Variants in SNTG2 observed in about 807,000 individuals in gnomAD.
The protein encoded by SNTG2 is syntrophin gamma 2.
Under a neutral mutation model 70.9 loss-of-function variants are expected in SNTG2, and 74 were observed. The observed-to-expected ratio is 1.04, with a 90% CI of 0.86 to 1.27. The LOEUF (loss-of-function observed/expected upper bound fraction) is 1.27. Ranked by LOEUF, SNTG2 falls within the 50% of genes most tolerant of loss-of-function variation. The probability of loss-of-function intolerance (pLI) is 0.00; values close to 1 mark genes in which losing one functional copy is unlikely to be tolerated. For synonymous variants in SNTG2, 278 were observed against 273.8 expected (o/e 1.02, Z -0.15); for missense variants, 717 against 690.7 (o/e 1.04, Z -0.43).
chr2:1,306,255 T>G (rs932298065), intron 14 of SNTG2, among the ~76,000 whole-genome samples: 1 of 152,062 alleles, frequency 6.6e-6, no homozygotes, highest in Admixed American at 6.5e-5. Flanking sequence ...GCTGTGTGTG[T>G]GGCGTTGGCT....
intron 11 of SNTG2, among the ~76,000 whole-genome samples, chr2:1,243,894 CA>C (rs1677214295): frequency 6.6e-6 from 1 of 152,216 alleles, no homozygotes; most frequent in South Asian, 2.1e-4. Flanking sequence ...GGCGTGGTGG[CA>C]CGCGCCTGTA....
rs547265846 is a variant in SNTG2 at position 1,223,957 on chromosome 2, G to T, written c.720-13931G>T. 5.3e-5 allele frequency among the ~76,000 whole-genome samples: 8 copies of T among 152,254 alleles called. 1 individual carries two copies. The highest frequency in any genetic ancestry group is 3.4e-3 in the Middle Eastern group (1 of 294). ...CAATTCCACAGATGGGTGGCCTTAT[G>T]CAGCAGGCATGCGTCCCTCGAGCTC... On this transcript the variant is annotated intron_variant, in intron 9 of 16. Coordinates refer to ENST00000308624, the MANE Select transcript of SNTG2 (RefSeq NM_018968.4).
At chr2:1,293,552 T>A (rs1680076994) in intron 14 of SNTG2, among the ~76,000 whole-genome samples, 1 of 152,200 alleles carries the variant, frequency 6.6e-6, no homozygotes, top group Non-Finnish European at 1.5e-5. Flanking sequence ...TGGTGTGTTG[T>A]GTTTTTTATT....
chr2:1,148,588 G>T (rs1477804988), intron 6 of SNTG2, among the ~76,000 whole-genome samples: 3 of 152,210 alleles, frequency 2.0e-5, no homozygotes, highest in Admixed American at 1.3e-4. Flanking sequence ...GTGTGTTACT[G>T]TGTTACCTGA....
chr2:956,784 A>G (rs1370457244), intron 1 of SNTG2, among the ~76,000 whole-genome samples: 1 of 152,234 alleles, frequency 6.6e-6, no homozygotes, highest in African/African-American at 2.4e-5. Flanking sequence ...AATTAGATGT[A>G]TGTGTTTCTA....
At chr2:1,011,196 G>A (rs1057513494) in intron 1 of SNTG2, among the ~76,000 whole-genome samples, 2 of 152,212 alleles carry the variant, frequency 1.3e-5, no homozygotes, top group African/African-American at 4.8e-5. Context: ...AATCTCTAAC[G>A]TGGCACGGGG....
chr2:1,083,378 G>A (rs914986412), intron 1 of SNTG2, 140 bp from the exon 2 acceptor site: 31 of 626,926 alleles, frequency 4.9e-5, no homozygotes, highest in South Asian at 1.6e-4. Flanking sequence ...AATCCTTATC[G>A]GTTGAGCACA....
At chr2:1,279,744 A>G (rs1679438964) in intron 14 of SNTG2, among the ~76,000 whole-genome samples, 1 of 152,226 alleles carries the variant, frequency 6.6e-6, no homozygotes, top group Middle Eastern at 3.2e-3. Context: ...CACCTAACCC[A>G]GGGTGACCCT....
At chr2:1,160,888 AGAAGCCACCCAG>A (rs1393666431) in intron 6 of SNTG2, 2 of 152,308 alleles carry the variant, frequency 1.3e-5, no homozygotes, top group Non-Finnish European at 2.9e-5. Context: ...TCTGCTGCTG[AGAAGCCACCCAG>A]GCATGGCTAA....
At chr2:1,226,818 ATAAATC>A (rs202094996) in intron 9 of SNTG2, among the ~76,000 whole-genome samples, 1,940 of 152,336 alleles carry the variant, frequency 0.013, 46 homozygotes, top group African/African-American at 0.044. Flanking sequence ...TTTATAGACA[ATAAATC>A]TATCTCTGTT....
At chr2:1,033,539 T>C (rs541056184) in intron 1 of SNTG2, among the ~76,000 whole-genome samples, 1 of 152,296 alleles carries the variant, frequency 6.6e-6, no homozygotes, top group South Asian at 2.1e-4. Context: ...TATGTTAAAA[T>C]ATCATAAAGC....
At chr2:1,123,483 G>T (rs1667508689) in intron 4 of SNTG2, among the ~76,000 whole-genome samples, 1 of 152,182 alleles carries the variant, frequency 6.6e-6, no homozygotes, top group Admixed American at 6.5e-5. Context: ...AATAAATGTT[G>T]CTGGGAAAAC....
At chr2:1,271,453 A>T (rs1679014832) in intron 14 of SNTG2, among the ~76,000 whole-genome samples, 1 of 152,130 alleles carries the variant, frequency 6.6e-6, no homozygotes, top group Admixed American at 6.5e-5. Flanking sequence ...ATTTAAAATT[A>T]AAAATGTATA....
intron 1 of SNTG2, among the ~76,000 whole-genome samples, chr2:995,212 C>G (rs1175277604): frequency 6.6e-6 from 1 of 151,988 alleles, no homozygotes; most frequent in East Asian, 1.9e-4. Flanking sequence ...CCACAGATAA[C>G]TTTTATCAGA....
chr2:1,114,830 G>A (rs974108086), intron 4 of SNTG2, among the ~76,000 whole-genome samples: 3 of 152,014 alleles, frequency 2.0e-5, no homozygotes, highest in African/African-American at 7.3e-5. Context: ...GGAGGATTGT[G>A]TGTACTAAGT....
intron 1 of SNTG2, among the ~76,000 whole-genome samples, chr2:954,333 A>G (rs930742632): frequency 1.3e-5 from 2 of 152,124 alleles, no homozygotes; most frequent in Non-Finnish European, 2.9e-5. Context: ...GTCACTTTGT[A>G]TCTGATTCCA....
At chr2:1,135,973 G>A (rs1389945227) in intron 4 of SNTG2, among the ~76,000 whole-genome samples, 1 of 152,130 alleles carries the variant, frequency 6.6e-6, no homozygotes, top group East Asian at 1.9e-4. Context: ...GATAAAGATG[G>A]TGCTTCTTAA....
chr2:1,207,056 T>G (rs1395943978), intron 8 of SNTG2, among the ~76,000 whole-genome samples: 1 of 152,218 alleles, frequency 6.6e-6, no homozygotes, highest in South Asian at 2.1e-4. Flanking sequence ...ACAGTTAAAA[T>G]TAAATGTATA....
chr2:1,168,691 G>C (rs1404678548), intron 7 of SNTG2, among the ~76,000 whole-genome samples: 1 of 152,074 alleles, frequency 6.6e-6, no homozygotes, highest in East Asian at 1.9e-4. Flanking sequence ...TAGGAAAATC[G>C]ATCTTCCTGC....
Sources: allele counts gnomAD v4.1 joint callset (sites outside exome capture counted in the v4.1 genomes callset), GRCh38; gene constraint gnomAD v4.1.1; transcripts MANE v1.5; gene names NCBI Gene and HGNC (gene_info 2026-07-23, HGNC 2026-07-21).